SPAG16: variants seen among roughly 807,000 people sequenced by gnomAD.
SPAG16 encodes the protein sperm associated antigen 16.
A neutral mutation model predicts 80.4 loss-of-function variants in SPAG16; 86 were observed. That is an observed-to-expected ratio of 1.07 (90% confidence interval 0.90 to 1.28). SPAG16 has a LOEUF of 1.28. Ranked by LOEUF, SPAG16 falls within the 50% of genes most tolerant of loss-of-function variation. SPAG16 has a pLI of 0.00. For synonymous variants in SPAG16, 294 were observed against 265.9 expected (o/e 1.11, Z -1.03); for missense variants, 870 against 765.3 (o/e 1.14, Z -1.61).
rs552371822 is a variant in SPAG16, at chr2:213,291,461, C to G, written c.137-4603C>G. Reference sequence around the variant, plus strand: ...CATAAAAATCAATCAAAGTATGTATCTTCCTAGTTTGATTGTTTTGTCCAC... The same window carrying G: ...CATAAAAATCAATCAAAGTATGTATGTTCCTAGTTTGATTGTTTTGTCCAC... On this transcript the variant is annotated intron_variant, in intron 1 of 15. Coordinates refer to ENST00000331683, the MANE Select transcript of SPAG16 (RefSeq NM_024532.5). Among the ~76,000 whole-genome samples, 3 of 152,228 alleles carry G rather than the reference C, an allele frequency of 2.0e-5. No individual in the cohort carries two copies. In the East Asian group the frequency reaches 5.8e-4, roughly 29 times the overall value.
chr2:213,820,770 C>T (rs2072890201), intron 10 of SPAG16, among the ~76,000 whole-genome samples: 3 of 151,882 alleles, frequency 2.0e-5, no homozygotes, highest in Admixed American at 2.0e-4. Flanking sequence ...TAGTAAATGA[C>T]ATTTGTGACC....
intron 15 of SPAG16, among the ~76,000 whole-genome samples, chr2:214,334,240 G>A (rs1045178237): frequency 6.6e-6 from 1 of 152,200 alleles, no homozygotes; most frequent in African/African-American, 2.4e-5. Flanking sequence ...GTTGCCAGGA[G>A]GGGAGCTATA....
intron 15 of SPAG16, among the ~76,000 whole-genome samples, chr2:214,201,084 G>A (rs1168644182): frequency 6.6e-6 from 1 of 152,086 alleles, no homozygotes; most frequent in Non-Finnish European, 1.5e-5. Context: ...GACACAGACT[G>A]GTATTGTTTT....
chr2:213,718,017 A>T (rs111522332), intron 10 of SPAG16, among the ~76,000 whole-genome samples: 3,686 of 152,216 alleles, frequency 0.024, 158 homozygotes, highest in African/African-American at 0.083. Context: ...TAAACTAAAT[A>T]GCTTCTGCAC....
rs374274176 is a variant in SPAG16, at chr2:213,980,725, T to TATATAGAGAGAGAGAGAG, written c.1401-33225_1401-33224insTATAGAGAGAGAGAGAGA. ...GTGTGTGTGTGTGTATATATATATA[T>TATATAGAGAGAGAGAGAG]AGAGAGAGAGAGAGAGAGAGAGAGA... On this transcript the variant is annotated intron_variant, in intron 12 of 15. Transcript: ENST00000331683. Among the ~76,000 whole-genome samples, 68 of 103,988 alleles carry TATATAGAGAGAGAGAGAG rather than the reference T, an allele frequency of 6.5e-4. 1 individual carries two copies. Among genetic ancestry groups the TATATAGAGAGAGAGAGAG allele is most frequent in the African/African-American group, 3.1e-3 (63 of 20,086 alleles). The allele number at this position is 103,988 out of a possible 152,430, so 68.2% of individuals were successfully genotyped here. A position where few individuals can be genotyped will look rare whatever the true frequency, so the allele number is the denominator to read the frequency against.
At chr2:214,200,075 A>G (rs900509337) in intron 15 of SPAG16, among the ~76,000 whole-genome samples, 5 of 152,076 alleles carry the variant, frequency 3.3e-5, no homozygotes, top group African/African-American at 9.7e-5. Context: ...CTCTCTTCCA[A>G]TTTGGATGCC....
At chr2:214,330,195 T>C (rs1171999249) in intron 15 of SPAG16, among the ~76,000 whole-genome samples, 1 of 150,826 alleles carries the variant, frequency 6.6e-6, no homozygotes. Context: ...GAGAATAGCT[T>C]GAACCCGGGA....
intron 15 of SPAG16, among the ~76,000 whole-genome samples, chr2:214,173,381 C>G (rs1323464702): frequency 6.6e-6 from 1 of 151,986 alleles, no homozygotes; most frequent in Non-Finnish European, 1.5e-5. Flanking sequence ...TTGTTTTTGT[C>G]AGGTTTGTCA....
intron 14 of SPAG16, among the ~76,000 whole-genome samples, chr2:214,132,817 T>C (rs1576308308): frequency 6.6e-6 from 1 of 152,096 alleles, no homozygotes; most frequent in Admixed American, 6.6e-5. Context: ...ATGACTGTCA[T>C]GGCTGGGCCT....
chr2:214,092,479 G>T (rs868692671), intron 13 of SPAG16, among the ~76,000 whole-genome samples: 1 of 149,262 alleles, frequency 6.7e-6, no homozygotes, highest in African/African-American at 2.5e-5. Flanking sequence ...CATATCCTTT[G>T]TCTGTGTTAC....
intron 10 of SPAG16, among the ~76,000 whole-genome samples, chr2:213,520,977 G>T (rs2075638979): frequency 1.3e-5 from 2 of 152,126 alleles, no homozygotes; most frequent in African/African-American, 4.8e-5. Flanking sequence ...TTTGGTGCCA[G>T]GGGATGTCTG....
At chr2:214,330,016 C>T (rs971659605) in intron 15 of SPAG16, among the ~76,000 whole-genome samples, 4 of 151,768 alleles carry the variant, frequency 2.6e-5, no homozygotes, top group African/African-American at 7.3e-5. Flanking sequence ...CTTGTAATCC[C>T]TGCACTTTGG....
intron 13 of SPAG16, among the ~76,000 whole-genome samples, chr2:214,106,787 TA>T (rs1313598181): frequency 6.6e-6 from 1 of 152,162 alleles, no homozygotes; most frequent in Non-Finnish European, 1.5e-5. Context: ...TGAGTGAATC[TA>T]CTCTTCTGAC....
intron 13 of SPAG16, among the ~76,000 whole-genome samples, chr2:214,027,192 A>C (rs759420962): frequency 6.6e-6 from 1 of 151,598 alleles, no homozygotes; most frequent in Non-Finnish European, 1.5e-5. Flanking sequence ...TGTATGCTAT[A>C]GATAAGATGT....
At chr2:213,703,673 G>A (rs550491628) in intron 10 of SPAG16, among the ~76,000 whole-genome samples, 7 of 152,078 alleles carry the variant, frequency 4.6e-5, no homozygotes, top group African/African-American at 4.8e-5. Flanking sequence ...TGTGAACTTC[G>A]CAAGTCCATC....
At chr2:214,049,648 G>C (rs2049530536) in intron 13 of SPAG16, among the ~76,000 whole-genome samples, 1 of 152,180 alleles carries the variant, frequency 6.6e-6, no homozygotes, top group Non-Finnish European at 1.5e-5. Context: ...AATCACATTT[G>C]TGGTTGTGCA....
At position 213,501,026 on chromosome 2, in the gene SPAG16, T is replaced by C. The variant is rs559656564; in HGVS notation, c.1070+10936T>C. On this transcript the variant is annotated intron_variant, in intron 10 of 15. Transcript: ENST00000331683. Reference sequence around the variant, plus strand: ...CCAGAGGGGAAAAAGTACCTGTATATTTCTAATCTCCTATCCAAGTACTCA... The same window carrying C: ...CCAGAGGGGAAAAAGTACCTGTATACTTCTAATCTCCTATCCAAGTACTCA... Among the ~76,000 whole-genome samples the C allele has an allele frequency of 5.9e-5, 9 of 152,314 alleles. No homozygotes were observed. In the South Asian group the frequency reaches 1.0e-3, roughly 18 times the overall value.
In SPAG16 at chr2:213,786,072, C is replaced by G. The variant is rs147162884; in HGVS notation, c.1071-76413C>G. Among the ~76,000 whole-genome samples the G allele has an allele frequency of 2.2e-3, 332 of 151,206 alleles. 1 individual carries two copies. Among genetic ancestry groups the G allele is most frequent in the Non-Finnish European group, 3.9e-3 (261 of 67,780 alleles). Reference sequence around the variant, plus strand: ...ATGTATTTTTTAGTTTTCTTTATTTCTATTTCATTAATGTGCTTGACTATT... The same window carrying G: ...ATGTATTTTTTAGTTTTCTTTATTTGTATTTCATTAATGTGCTTGACTATT... On this transcript the variant is annotated intron_variant, in intron 10 of 15. Transcript: ENST00000331683.
intron 14 of SPAG16, among the ~76,000 whole-genome samples, chr2:214,143,431 T>C (rs1036461437): frequency 6.6e-6 from 1 of 152,054 alleles, no homozygotes; most frequent in Non-Finnish European, 1.5e-5. Flanking sequence ...TTCTAGAATA[T>C]ATTTAGTTTT....
Sources: allele counts gnomAD v4.1 joint callset (sites outside exome capture counted in the v4.1 genomes callset), GRCh38; gene constraint gnomAD v4.1.1; transcripts MANE v1.5; gene names NCBI Gene and HGNC (gene_info 2026-07-23, HGNC 2026-07-21).